The following MAGEB1 variants were observed in gnomAD, a reference collection of about 807,000 sequenced individuals.
MAGEB1 encodes the protein melanoma-associated antigen B1.
For missense variants in MAGEB1, 290 were observed against 286.7 expected, an observed-to-expected ratio of 1.01 and a Z score of -0.08; for synonymous variants, 99 against 105.7, an observed-to-expected ratio of 0.94 and a Z score of 0.39.
intron 1 of MAGEB1, among the ~76,000 whole-genome samples, chrX:30,247,698 A>C (rs1436468619): frequency 2.7e-5 from 3 of 111,378 alleles, no homozygotes; most frequent in Non-Finnish European, 3.8e-5. Context: ...TAATCCCAGA[A>C]CTCTGGGAGG....
Position 30,250,577 on chromosome X carries a change from T to C in MAGEB1, c.84T>C (p.Ala28=). 1 of 1,207,181 alleles carries C rather than the reference T, an allele frequency of 8.3e-7. No individual in the cohort carries two copies. Among genetic ancestry groups the C allele is most frequent in the Non-Finnish European group, 1.1e-6 (1 of 893,467 alleles). ...AGGAGACCCAGGGTCTCAAGGTTGC[T>C]CACGCCACTGCAGCAGAGAAAGAGG... The part of the protein sequence containing the change: ...AREETQGLKV[A]HATAAEKEEC... Residue 28 remains alanine (A), a synonymous_variant, in exon 2 of 2, where the codon GCT becomes GCC. Coordinates refer to ENST00000397548, the MANE Select transcript of MAGEB1 (RefSeq NM_177404.3).
rs754534422 is a variant in MAGEB1 at position 30,250,734 on chromosome X, G to A, written c.241G>A (p.Glu81Lys). 16 of 1,209,928 alleles carry A rather than the reference G, an allele frequency of 1.3e-5. No individual in the cohort carries two copies. The highest frequency in any genetic ancestry group is 3.5e-5 in the African/African-American group (2 of 57,365). The change falls in exon 2 of 2, where the codon GAA becomes AAA. Residue 81 changes from glutamate to lysine, a missense_variant. Glu to Lys is a moderately conservative substitution (Grantham distance 56, BLOSUM62 1). Coordinates refer to ENST00000397548, the MANE Select transcript of MAGEB1 (RefSeq NM_177404.3). Reference protein sequence around the residue: ...AAAVSCTESDEGAKCQGEENA... With the variant: ...AAAVSCTESDKGAKCQGEENA... ...AGCTGTGTCATGTACCGAATCTGACGAAGGTGCCAAATGCCAAGGTGAGGA... is the reference window on the plus strand; with the variant it reads ...AGCTGTGTCATGTACCGAATCTGACAAAGGTGCCAAATGCCAAGGTGAGGA...
At position 30,251,452 on chromosome X, in the gene MAGEB1, G is replaced by A. The variant is rs1278711905; in HGVS notation, c.959G>A (p.Ser320Asn). ...DEEERAQVRS[S>N]VRARRRTTAT... ...GAAGAGAGAGCCCAAGTCCGATCCA[G>A]TGTTAGAGCCAGGCGTCGCACTACT... is the stretch of plus-strand genomic sequence containing the variant. The change falls in exon 2 of 2, where the codon AGT (serine) becomes AAT (asparagine). Residue 320 changes from serine to asparagine, a missense_variant. Ser to Asn is a conservative substitution (Grantham distance 46). Coordinates refer to ENST00000397548, the MANE Select transcript of MAGEB1 (RefSeq NM_177404.3). 8.3e-7 allele frequency: 1 copy of A among 1,210,123 alleles called. No homozygotes were observed. Among genetic ancestry groups the A allele is most frequent in the African/African-American group, 1.7e-5 (1 of 57,143 alleles).
upstream of MAGEB1, among the ~76,000 whole-genome samples, chrX:30,244,997 AT>A (rs754193945): frequency 1.8e-5 from 2 of 111,661 alleles, no homozygotes; most frequent in African/African-American, 6.5e-5. Flanking sequence ...ATTAAAAGGA[AT>A]TTTTTTTCCT....
At chrX:30,244,476 A>G (rs981675080), upstream of MAGEB1, among the ~76,000 whole-genome samples, 6 of 111,989 alleles carry the variant, frequency 5.4e-5, no homozygotes, top group Admixed American at 9.5e-5. Flanking sequence ...AACAGCAGCT[A>G]TCATATAACG....
At chrX:30,243,915 C>CT (rs761859924), upstream of MAGEB1, 11 of 124,273 alleles carry the variant, frequency 8.9e-5, no homozygotes, top group Non-Finnish European at 1.9e-4. Flanking sequence ...AATGATTTAT[C>CT]TTTTCTTTTT....
At position 30,251,476 on chromosome X, in the gene MAGEB1, C is replaced by T; in HGVS notation, c.983C>T (p.Thr328Ile). The T allele has an allele frequency of 6.6e-6, 8 of 1,211,853 alleles. No homozygotes were observed. Among genetic ancestry groups the T allele is most frequent in the Non-Finnish European group, 8.9e-6 (8 of 895,459 alleles). ...AGTGTTAGAGCCAGGCGTCGCACTA[C>T]TGCCACGACTTTTAGAGCGCGTTCT... is the stretch of plus-strand genomic sequence containing the variant. ...RSSVRARRRT[T>I]ATTFRARSRA... The change falls in exon 2 of 2, where the codon ACT becomes ATT. Residue 328 changes from threonine (T) to isoleucine (I), a missense_variant. By Grantham distance (89) the Thr-to-Ile change is moderately conservative. Coordinates refer to ENST00000397548, the MANE Select transcript of MAGEB1 (RefSeq NM_177404.3).
intron 1 of MAGEB1, among the ~76,000 whole-genome samples, chrX:30,248,461 G>A: frequency 8.9e-6 from 1 of 112,394 alleles, no homozygotes; most frequent in Non-Finnish European, 1.9e-5. Flanking sequence ...CTCAAGTTGA[G>A]ATGCCCCTCA....
chrX:30,251,314 C>T lies in MAGEB1; in HGVS notation c.821C>T (p.Pro274Leu), dbSNP rs769209289. The T allele has an allele frequency of 1.7e-6, 2 of 1,211,638 alleles. No individual in the cohort carries two copies. The highest frequency in any genetic ancestry group is 1.8e-5 in the South Asian group (1 of 56,964). Residue 274 changes from proline (P) to leucine (L), a missense_variant, in exon 2 of 2, where the codon CCG (proline) becomes CTG (leucine). Physicochemically the swap from Pro to Leu is moderately conservative, Grantham distance 98 (BLOSUM62 -3). Coordinates refer to ENST00000397548, the MANE Select transcript of MAGEB1 (RefSeq NM_177404.3). ...DPPRYQFLWG[P>L]RAYAETTKMK... is the part of the protein sequence containing the mutation. ...CCACGCTATCAATTCCTATGGGGTC[C>T]GAGAGCCTATGCTGAAACCACCAAG... is the stretch of plus-strand genomic sequence containing the variant.
At position 30,251,930 on chromosome X, in the gene MAGEB1, C is replaced by CAAAA; in HGVS notation, c.*395_*396insAAAA. ...TAGAGGAAGAGTAAGCAAAGCATGT[C>CAAAA]AAGTTTTTGTTTTCTGCATTCAGTT... On this transcript the variant is annotated 3_prime_UTR_variant, in exon 2 of 2. Transcript: ENST00000397548. 7.1e-6 allele frequency: 1 copy of CAAAA among 141,616 alleles called. No homozygotes were observed. The allele number at this position is 141,616 out of a possible 1,213,427, so 11.7% of individuals were successfully genotyped here. A position where few individuals can be genotyped will look rare whatever the true frequency, so the allele number is the denominator to read the frequency against.
upstream of MAGEB1, among the ~76,000 whole-genome samples, chrX:30,244,382 G>A (rs1404321783): frequency 9.0e-6 from 1 of 111,486 alleles, no homozygotes; most frequent in Non-Finnish European, 1.9e-5. Flanking sequence ...GAGGGCTCCT[G>A]GCTAGTACCG....
At chrX:30,249,930 G>A (rs1057117020) in intron 1 of MAGEB1, among the ~76,000 whole-genome samples, 3 of 111,804 alleles carry the variant, frequency 2.7e-5, no homozygotes, top group South Asian at 3.8e-4. Flanking sequence ...TCTAAGGGAG[G>A]TGACAGCTTT....
chrX:30,251,639 C>G lies in MAGEB1; in HGVS notation c.*102C>G. 1.6e-6 allele frequency: 1 copy of G among 641,222 alleles called. No individual in the cohort carries two copies. The highest frequency in any genetic ancestry group is 3.3e-5 in the East Asian group (1 of 30,143). The allele number at this position is 641,222 out of a possible 1,213,427, so 52.8% of individuals were successfully genotyped here. ...CTAGAGAGATCATCATATATATCTCCTTTGTGTTCCTGTTAAACATTAGTA... is the reference window on the plus strand; with the variant it reads ...CTAGAGAGATCATCATATATATCTCGTTTGTGTTCCTGTTAAACATTAGTA... On this transcript the variant is annotated 3_prime_UTR_variant, in exon 2 of 2. Transcript: ENST00000397548.
In MAGEB1 at chrX:30,251,562, G is replaced by A; in HGVS notation, c.*25G>A. 4.3e-6 allele frequency: 5 copies of A among 1,169,047 alleles called. No homozygotes were observed. The highest frequency in any genetic ancestry group is 5.8e-6 in the Non-Finnish European group (5 of 868,605). ...AGAACTCAGGCAGATTGTTCACTTT[G>A]TTTTTGTGGCAAGATGCCAACCTTT... On this transcript the variant is annotated 3_prime_UTR_variant, in exon 2 of 2. Coordinates refer to ENST00000397548, the MANE Select transcript of MAGEB1 (RefSeq NM_177404.3).
In MAGEB1 at chrX:30,250,970, C is replaced by T. The variant is rs778800818; in HGVS notation, c.477C>T (p.Leu159=). The change falls in exon 2 of 2, where the codon CTC becomes CTT. Residue 159 remains leucine, a synonymous_variant. Coordinates refer to ENST00000397548, the MANE Select transcript of MAGEB1 (RefSeq NM_177404.3). ...ILNGASRRLE[L]VFGLDLKEDN... is the part of the protein sequence containing the mutation. ...ATGGAGCCTCTCGCCGCTTGGAGCT[C>T]GTCTTTGGCCTTGATTTGAAGGAAG... is the stretch of plus-strand genomic sequence containing the variant. The T allele has an allele frequency of 5.0e-6, 6 of 1,211,522 alleles. No individual in the cohort carries two copies. Among genetic ancestry groups the T allele is most frequent in the South Asian group, 3.5e-5 (2 of 56,838 alleles).
At position 30,251,496 on chromosome X, in the gene MAGEB1, C is replaced by T. The variant is rs779578367; in HGVS notation, c.1003C>T (p.Arg335Cys). ...CACTACTGCCACGACTTTTAGAGCG[C>T]GTTCTAGAGCCCCATTCAGCAGGTC... Reference protein sequence around the residue: ...RRTTATTFRARSRAPFSRSSH... With the variant: ...RRTTATTFRACSRAPFSRSSH... Residue 335 changes from arginine to cysteine, a missense_variant, in exon 2 of 2, where the codon CGT becomes TGT. Physicochemically the swap from Arg to Cys is radical, Grantham distance 180. Transcript: ENST00000397548. The T allele has an allele frequency of 2.5e-5, 30 of 1,209,080 alleles. No homozygotes were observed. The highest frequency in any genetic ancestry group is 8.7e-5 in the Admixed American group (4 of 45,760).
chrX:30,245,817 C>G (rs1925287754), upstream of MAGEB1, among the ~76,000 whole-genome samples: 1 of 112,251 alleles, frequency 8.9e-6, no homozygotes, highest in South Asian at 3.7e-4. Flanking sequence ...TCATCTGGCT[C>G]CACCCTTTTC....
chrX:30,247,946 G>GAAAAAAAAAAAAA (rs57368527), intron 1 of MAGEB1, among the ~76,000 whole-genome samples: 1 of 45,941 alleles, frequency 2.2e-5, no homozygotes, highest in African/African-American at 1.0e-4. Flanking sequence ...TCAGTCTCAA[G>GAAAAAAAAAAAAA]AAAAAAAAAA....
chrX:30,244,947 C>T (rs1925261295), upstream of MAGEB1, among the ~76,000 whole-genome samples: 1 of 112,138 alleles, frequency 8.9e-6, no homozygotes, highest in Non-Finnish European at 1.9e-5. Context: ...AGCCACTGGG[C>T]TAATACTCTG....
Sources: allele counts gnomAD v4.1 joint callset (sites outside exome capture counted in the v4.1 genomes callset), GRCh38; gene constraint gnomAD v4.1.1; transcripts MANE v1.5; gene names NCBI Gene and HGNC (gene_info 2026-07-23, HGNC 2026-07-21).